TMC1: variants seen among roughly 807,000 people sequenced by gnomAD.
TMC1 encodes the protein transmembrane channel like 1, also known as transmembrane channel-like protein 1.
A neutral mutation model predicts 105.8 loss-of-function variants in TMC1; 84 were observed. The observed-to-expected ratio is 0.79, with a 90% CI of 0.67 to 0.95. The LOEUF (loss-of-function observed/expected upper bound fraction) is 0.95, where lower values mean the gene tolerates loss of function less well. Among genes scored for constraint, TMC1 ranks in the 40% least tolerant of loss-of-function variants. TMC1 has a pLI of 0.00. For missense variants in TMC1, 817 were observed against 914.1 expected, an observed-to-expected ratio of 0.89 and a Z score of 1.37; for synonymous variants, 315 against 311.5, an observed-to-expected ratio of 1.01 and a Z score of -0.12.
At chr9:72,622,861 G>A (rs924241382) in intron 3 of TMC1, among the ~76,000 whole-genome samples, 10 of 151,820 alleles carry the variant, frequency 6.6e-5, no homozygotes, top group Admixed American at 6.6e-4. Flanking sequence ...GACCAGCCTG[G>A]CCAATGTGGT....
At chr9:72,533,380 G>T (rs1333489127) in intron 1 of TMC1, among the ~76,000 whole-genome samples, 1 of 152,204 alleles carries the variant, frequency 6.6e-6, no homozygotes, top group Non-Finnish European at 1.5e-5. Flanking sequence ...GGAAAAGAGG[G>T]TATGACCCAG....
rs1440539662 is a variant in TMC1, at chr9:72,805,430, A to G, written c.1615A>G (p.Ile539Val). Residue 539 changes from isoleucine to valine, a missense_variant, in exon 18 of 24, where the codon ATC (isoleucine) becomes GTC (valine). Ile to Val is a conservative substitution (Grantham distance 29). Coordinates refer to ENST00000297784, the MANE Select transcript of TMC1 (RefSeq NM_138691.3). The part of the protein sequence containing the change: ...VSDVLTTYVT[I>V]LIGDFLRACF... ...TGATGTTCTGACCACCTACGTCACA[A>G]TCCTCATTGGGGACTTTCTAAGGGC... is the stretch of plus-strand genomic sequence containing the variant. 2 of 1,613,436 alleles carry G rather than the reference A, an allele frequency of 1.2e-6. No individual in the cohort carries two copies. Among genetic ancestry groups the G allele is most frequent in the African/African-American group, 1.3e-5 (1 of 74,698 alleles).
At chr9:72,813,172 C>T (rs1409540730) in intron 18 of TMC1, among the ~76,000 whole-genome samples, 9 of 151,864 alleles carry the variant, frequency 5.9e-5, no homozygotes, top group Admixed American at 1.3e-4. Context: ...TTTCCCTAAC[C>T]GTTTTTTACC....
In TMC1 at chr9:72,736,238, A is replaced by G. The variant is rs1445170327; in HGVS notation, c.363-3881A>G. Among the ~76,000 whole-genome samples the G allele has an allele frequency of 2.6e-5, 4 of 152,336 alleles. No homozygotes were observed. In the South Asian group the frequency reaches 8.3e-4, roughly 32 times the overall value. Reference sequence around the variant, plus strand: ...AGAGACAAAAATAAAACTTGTTTATATTGTTCAAAGGAAAATGATATTTAT... The same window carrying G: ...AGAGACAAAAATAAAACTTGTTTATGTTGTTCAAAGGAAAATGATATTTAT... On this transcript the variant is annotated intron_variant, in intron 8 of 23. Coordinates refer to ENST00000297784, the MANE Select transcript of TMC1 (RefSeq NM_138691.3).
chr9:72,702,308 C>T (rs143558711), intron 8 of TMC1, among the ~76,000 whole-genome samples: 3 of 152,024 alleles, frequency 2.0e-5, no homozygotes, highest in East Asian at 3.8e-4. Flanking sequence ...GGTCTTTGCC[C>T]GTATCTCTCG....
intron 1 of TMC1, among the ~76,000 whole-genome samples, chr9:72,555,973 C>CAAAAA (rs59431883): frequency 1.4e-4 from 6 of 42,564 alleles, no homozygotes; most frequent in African/African-American, 2.9e-4. Flanking sequence ...ATGACTAAGG[C>CAAAAA]AAAAAAAAAA....
At chr9:72,681,009 G>T (rs1399937581) in intron 5 of TMC1, among the ~76,000 whole-genome samples, 1 of 152,070 alleles carries the variant, frequency 6.6e-6, no homozygotes, top group African/African-American at 2.4e-5. Context: ...TGCTACGGAG[G>T]ACAGAAAGAT....
chr9:72,806,122 C>T (rs1238704253), intron 18 of TMC1, among the ~76,000 whole-genome samples: 9 of 150,868 alleles, frequency 6.0e-5, no homozygotes, highest in South Asian at 4.2e-4. Flanking sequence ...TAGGGGCGGC[C>T]GGGCAGAGGC....
At chr9:72,539,943 C>A (rs536908054) in intron 1 of TMC1, among the ~76,000 whole-genome samples, 1 of 152,274 alleles carries the variant, frequency 6.6e-6, no homozygotes, top group African/African-American at 2.4e-5. Context: ...AAGGAAGCTT[C>A]CATTCATGGC....
chr9:72,766,065 T>C (rs1827828605), intron 12 of TMC1, among the ~76,000 whole-genome samples: 1 of 152,138 alleles, frequency 6.6e-6, no homozygotes, highest in African/African-American at 2.4e-5. Flanking sequence ...AAAACAGCAG[T>C]ATTAATACCT....
At chr9:72,599,571 T>C (rs1446514092) in intron 2 of TMC1, among the ~76,000 whole-genome samples, 1 of 152,176 alleles carries the variant, frequency 6.6e-6, no homozygotes, top group African/African-American at 2.4e-5. Flanking sequence ...CATATCTCTC[T>C]ATCTCCCTTT....
At chr9:72,794,539 A>C (rs1828331323) in intron 17 of TMC1, among the ~76,000 whole-genome samples, 1 of 152,196 alleles carries the variant, frequency 6.6e-6, no homozygotes, top group East Asian at 1.9e-4. Flanking sequence ...CCCCCCTCTG[A>C]AACCAAAGAC....
chr9:72,670,202 A>G (rs1403025606), intron 5 of TMC1, among the ~76,000 whole-genome samples: 1 of 152,196 alleles, frequency 6.6e-6, no homozygotes, highest in Non-Finnish European at 1.5e-5. Flanking sequence ...GAAAAGGTTT[A>G]GAGGGACAAA....
At chr9:72,813,581 G>C (rs954138073) in intron 18 of TMC1, among the ~76,000 whole-genome samples, 6 of 152,092 alleles carry the variant, frequency 3.9e-5, no homozygotes, top group African/African-American at 1.4e-4. Context: ...TGCAAGCCAT[G>C]GTGTCTCTAT....
intron 8 of TMC1, among the ~76,000 whole-genome samples, chr9:72,710,128 T>G (rs1826812211): frequency 2.0e-5 from 3 of 152,190 alleles, no homozygotes; most frequent in East Asian, 1.9e-4. Context: ...TTCAGGAGCA[T>G]GTACTTTAAT....
Position 72,717,572 on chromosome 9 carries a change from A to G in TMC1, c.362+16929A>G, listed in dbSNP as rs551680705. Among the ~76,000 whole-genome samples the G allele has an allele frequency of 2.0e-5, 3 of 152,226 alleles. No homozygotes were observed. The East Asian group carries it at 5.8e-4, about 29-fold the overall frequency. ...CCTTCATTTATGAAGCTTAGGATAC[A>G]AAACTGTTGGCTGATAATTGTTTTG... On this transcript the variant is annotated intron_variant, in intron 8 of 23. Transcript: ENST00000297784.
intron 8 of TMC1, among the ~76,000 whole-genome samples, chr9:72,731,090 T>A (rs1360908856): frequency 6.6e-6 from 1 of 152,388 alleles, no homozygotes. Context: ...AATTCACATC[T>A]ATGCCAGGTG....
intron 17 of TMC1, among the ~76,000 whole-genome samples, chr9:72,792,770 A>G (rs1032195250): frequency 5.3e-5 from 8 of 152,354 alleles, no homozygotes; most frequent in Non-Finnish European, 1.0e-4. Context: ...TGGCCAAGAC[A>G]GCCAACTAGA....
At chr9:72,699,423 T>C (rs957005076) in intron 7 of TMC1, among the ~76,000 whole-genome samples, 33 of 152,178 alleles carry the variant, frequency 2.2e-4, no homozygotes, top group African/African-American at 8.0e-4. Flanking sequence ...TTTTTATTTT[T>C]CCCGATTTCA....
Sources: allele counts gnomAD v4.1 joint callset (sites outside exome capture counted in the v4.1 genomes callset), GRCh38; gene constraint gnomAD v4.1.1; transcripts MANE v1.5; gene names NCBI Gene and HGNC (gene_info 2026-07-23, HGNC 2026-07-21).